RSPO2: variants seen among roughly 807,000 people sequenced by gnomAD.
RSPO2 encodes the protein R-spondin 2.
Under a neutral mutation model 30.9 loss-of-function variants are expected in RSPO2, and 14 were observed. The observed-to-expected ratio is 0.45, with a 90% CI of 0.30 to 0.71. RSPO2 has a LOEUF of 0.71. Among genes scored for constraint, RSPO2 ranks in the 30% least tolerant of loss-of-function variants. RSPO2 has a pLI of 0.08. For missense variants in RSPO2, 264 were observed against 301.9 expected (o/e 0.87, Z 0.93); for synonymous variants, 107 against 96.4 (o/e 1.11, Z -0.64).
At chr8:108,020,964 G>T (rs1811043310) in intron 2 of RSPO2, among the ~76,000 whole-genome samples, 1 of 152,156 alleles carries the variant, frequency 6.6e-6, no homozygotes, top group African/African-American at 2.4e-5. Flanking sequence ...GTCAAATATA[G>T]ACATTTGCTA....
chr8:107,915,516 T>C (rs762292307), intron 5 of RSPO2, among the ~76,000 whole-genome samples: 1 of 152,142 alleles, frequency 6.6e-6, no homozygotes, highest in African/African-American at 2.4e-5. Context: ...AGATGGAGAA[T>C]AGAAGGATAG....
intron 2 of RSPO2, among the ~76,000 whole-genome samples, chr8:108,003,704 T>C (rs1410332468): frequency 6.6e-6 from 1 of 152,120 alleles, no homozygotes; most frequent in African/African-American, 2.4e-5. Context: ...GGGAACATGC[T>C]ACAGGACAGA....
intron 3 of RSPO2, among the ~76,000 whole-genome samples, chr8:107,968,994 G>T (rs969533020): frequency 1.3e-5 from 2 of 152,086 alleles, no homozygotes. Flanking sequence ...ACAATCATTT[G>T]TTGGGTACCT....
chr8:108,059,752 A>T (rs1046839068), intron 2 of RSPO2, among the ~76,000 whole-genome samples: 8 of 150,016 alleles, frequency 5.3e-5, no homozygotes, highest in African/African-American at 1.7e-4. Flanking sequence ...TATCACAAGA[A>T]CAAAAAACCA....
At chr8:108,070,794 G>A (rs1464693292) in intron 2 of RSPO2, among the ~76,000 whole-genome samples, 2 of 152,192 alleles carry the variant, frequency 1.3e-5, no homozygotes, top group East Asian at 3.9e-4. Context: ...GCTCTCTGCT[G>A]TTGGAAAGAG....
chr8:107,960,177 T>C (rs954340990), intron 4 of RSPO2, among the ~76,000 whole-genome samples: 2 of 152,154 alleles, frequency 1.3e-5, no homozygotes, highest in East Asian at 1.9e-4. Context: ...ATTCCAGGTA[T>C]ATAAATTTAG....
At chr8:108,080,193 C>T (rs534221131) in intron 2 of RSPO2, among the ~76,000 whole-genome samples, 1 of 152,340 alleles carries the variant, frequency 6.6e-6, no homozygotes. Flanking sequence ...TCACCCTACA[C>T]TGTCTGGCCA....
chr8:108,003,294 TATATATATATATATA>T (rs1815322804), intron 2 of RSPO2, among the ~76,000 whole-genome samples: 1 of 24,046 alleles, frequency 4.2e-5, no homozygotes, highest in Non-Finnish European at 8.0e-5. Context: ...TATATATATA[TATATATATATATATA>T]TATTTTTTTT....
intron 2 of RSPO2, among the ~76,000 whole-genome samples, chr8:108,015,626 C>T (rs1271692529): frequency 2.6e-5 from 4 of 151,548 alleles, no homozygotes; most frequent in African/African-American, 4.8e-5. Flanking sequence ...ATGCCTCACC[C>T]CCAACCCTTG....
At chr8:107,989,637 C>T (rs1814778806) in intron 2 of RSPO2, 1 of 159,574 alleles carries the variant, frequency 6.3e-6, no homozygotes. Context: ...CCTGCCCTAA[C>T]TGGCTAGAGC....
At chr8:107,932,045 T>A (rs1041199453) in intron 5 of RSPO2, among the ~76,000 whole-genome samples, 1 of 152,212 alleles carries the variant, frequency 6.6e-6, no homozygotes, top group Non-Finnish European at 1.5e-5. Flanking sequence ...ATGCTTAAGA[T>A]CTTGGCAACA....
chr8:107,945,087 T>C (rs492679), intron 5 of RSPO2, among the ~76,000 whole-genome samples: 64,413 of 151,264 alleles, frequency 0.43, 14,309 homozygotes, highest in East Asian at 0.67. Flanking sequence ...GAAAAATATC[T>C]TTGTAAATGA....
chr8:107,956,962 A>G (rs571308209), intron 5 of RSPO2, among the ~76,000 whole-genome samples: 1 of 152,324 alleles, frequency 6.6e-6, no homozygotes, highest in South Asian at 2.1e-4. Context: ...CTTTGTTTCA[A>G]AGATCCAGTA....
chr8:108,019,210 CG>C (rs1563566271), intron 2 of RSPO2, among the ~76,000 whole-genome samples: 1 of 151,890 alleles, frequency 6.6e-6, no homozygotes, highest in African/African-American at 2.4e-5. Context: ...AAAAATTATC[CG>C]GCTGTGGTGG....
At chr8:108,022,505 T>G (rs992941570) in intron 2 of RSPO2, among the ~76,000 whole-genome samples, 4 of 152,210 alleles carry the variant, frequency 2.6e-5, no homozygotes, top group Admixed American at 1.3e-4. Flanking sequence ...ATTTATATTC[T>G]CATTGCTCTT....
chr8:107,930,402 T>G (rs554759883), intron 5 of RSPO2, among the ~76,000 whole-genome samples: 1 of 152,276 alleles, frequency 6.6e-6, no homozygotes, highest in African/African-American at 2.4e-5. Context: ...TAAAGAGAAA[T>G]TAAATTTCAC....
At chr8:107,973,762 A>C (rs1814101808) in intron 3 of RSPO2, among the ~76,000 whole-genome samples, 1 of 152,140 alleles carries the variant, frequency 6.6e-6, no homozygotes, top group Non-Finnish European at 1.5e-5. Context: ...TACTTGCCTT[A>C]CTGCCCATCC....
intron 5 of RSPO2, among the ~76,000 whole-genome samples, chr8:107,917,223 G>T (rs1034037743): frequency 2.0e-5 from 3 of 152,112 alleles, no homozygotes; most frequent in African/African-American, 7.2e-5. Context: ...GGTGGCTCAT[G>T]CCTGTAATCC....
At chr8:108,071,426 G>A (rs930715196) in intron 2 of RSPO2, among the ~76,000 whole-genome samples, 1 of 152,024 alleles carries the variant, frequency 6.6e-6, no homozygotes, top group African/African-American at 2.4e-5. Context: ...AGTGCTTCTG[G>A]GAACGACTGC....
Sources: gnomAD v4.1 joint callset for allele counts (sites outside exome capture counted in the v4.1 genomes callset) on GRCh38, gnomAD v4.1.1 for gene constraint, MANE v1.5 for transcripts, NCBI Gene and HGNC (gene_info 2026-07-23, HGNC 2026-07-21) for gene names.